Variants in DGKG observed in about 807,000 individuals in gnomAD.
The protein encoded by DGKG is diacylglycerol kinase gamma.
A neutral mutation model predicts 105.3 loss-of-function variants in DGKG; 78 were observed. The observed-to-expected ratio is 0.74, with a 90% CI of 0.62 to 0.89. The LOEUF is 0.89. DGKG is among the 40% of genes least tolerant of loss of function. The pLI is 0.00. For missense variants in DGKG, 958 were observed against 1,020.1 expected, an observed-to-expected ratio of 0.94 and a Z score of 0.83; for synonymous variants, 346 against 367.1, an observed-to-expected ratio of 0.94 and a Z score of 0.66.
intron 3 of DGKG, among the ~76,000 whole-genome samples, chr3:186,305,133 C>A (rs973438672): frequency 3.3e-5 from 5 of 152,108 alleles, no homozygotes; most frequent in Admixed American, 1.3e-4. Context: ...GTGGGAGAGA[C>A]AGACAATTAA....
intron 1 of DGKG, among the ~76,000 whole-genome samples, chr3:186,341,881 T>C (rs923056130): frequency 2.0e-5 from 3 of 151,984 alleles, no homozygotes; most frequent in Non-Finnish European, 4.4e-5. Context: ...ATGGATGAAA[T>C]TGGAAAACAT....
At chr3:186,201,718 A>G (rs1718475225) in intron 21 of DGKG, among the ~76,000 whole-genome samples, 2 of 152,236 alleles carry the variant, frequency 1.3e-5, no homozygotes, top group African/African-American at 4.8e-5. Context: ...AGGCTGGCCA[A>G]GTGATCATTG....
intron 21 of DGKG, among the ~76,000 whole-genome samples, chr3:186,191,620 C>T (rs566272629): frequency 5.9e-4 from 90 of 152,332 alleles, no homozygotes; most frequent in Admixed American, 1.2e-3. Context: ...GAAAACTCTT[C>T]CAGAATGGCA....
intron 14 of DGKG, among the ~76,000 whole-genome samples, chr3:186,262,187 G>A (rs544088235): frequency 5.9e-5 from 9 of 152,204 alleles, no homozygotes; most frequent in Admixed American, 1.3e-4. Context: ...CCACCCTGGC[G>A]CCTTCCAAAT....
chr3:186,306,664 A>T (rs1724253946), intron 3 of DGKG: 1 of 453,768 alleles, frequency 2.2e-6, no homozygotes, highest in Non-Finnish European at 3.9e-6. Flanking sequence ...TGAGGAGAGG[A>T]GGGGTGAGAG....
rs1200690142 is a variant in DGKG at position 186,188,201 on chromosome 3, C to T, written c.2095+1G>A. ...AACAATTATCCTCATTCCTGGCTTA[C>T]CTTGAACGCAGAATTTCAGTTCTTT... On this transcript the variant is annotated splice_donor_variant, in intron 22 of 24. Transcript: ENST00000265022. LOFTEE classifies it high-confidence loss of function. The T allele has an allele frequency of 6.2e-7, 1 of 1,614,138 alleles. No individual in the cohort carries two copies. Among genetic ancestry groups the T allele is most frequent in the Admixed American group, 1.7e-5 (1 of 60,008 alleles).
In DGKG at chr3:186,310,619, C is replaced by T. The variant is rs78798383; in HGVS notation, c.68-3642G>A. 3.0e-4 allele frequency among the ~76,000 whole-genome samples: 46 copies of T among 152,250 alleles called. 4 individuals are homozygous for T. In the East Asian group the frequency reaches 3.5e-3, roughly 11 times the overall value. The stretch of plus-strand genomic sequence containing the variant: ...TTCATCTTAAGACAGAAAAGAACAA[C>T]GAGGGAATAGCATCCCTTGGTCTTA... On this transcript the variant is annotated intron_variant, in intron 2 of 24. Transcript: ENST00000265022.
chr3:186,301,010 T>G (rs1723894353), intron 3 of DGKG, among the ~76,000 whole-genome samples: 1 of 152,240 alleles, frequency 6.6e-6, no homozygotes, highest in African/African-American at 2.4e-5. Flanking sequence ...TTAATGCCAA[T>G]GACACCATTA....
chr3:186,253,234 G>T (rs1382499415), intron 17 of DGKG, 52 bp from the exon 18 acceptor site: 4 of 1,447,964 alleles, frequency 2.8e-6, no homozygotes, highest in Non-Finnish European at 3.9e-6. Context: ...ACTGTAGAAT[G>T]TTTGAGTTGT....
chr3:186,153,830 C>T (rs1200741679), intron 24 of DGKG, among the ~76,000 whole-genome samples: 2 of 152,178 alleles, frequency 1.3e-5, no homozygotes, highest in Admixed American at 6.5e-5. Context: ...AGGGGCCAGG[C>T]GCGGTGGCTC....
intron 19 of DGKG, among the ~76,000 whole-genome samples, chr3:186,245,229 C>A (rs1720884355): frequency 6.6e-6 from 1 of 152,160 alleles, no homozygotes; most frequent in African/African-American, 2.4e-5. Flanking sequence ...AAAGACCAGC[C>A]TTTAAAACAT....
At chr3:186,336,327 T>C (rs971132404) in intron 1 of DGKG, among the ~76,000 whole-genome samples, 9 of 152,162 alleles carry the variant, frequency 5.9e-5, no homozygotes, top group Non-Finnish European at 8.8e-5. Context: ...GGAAATTTCA[T>C]TGGCAGCAAT....
chr3:186,208,763 CA>C (rs1718873897), intron 21 of DGKG, among the ~76,000 whole-genome samples: 1 of 152,236 alleles, frequency 6.6e-6, no homozygotes, highest in East Asian at 1.9e-4. Context: ...TGCCCAGCTG[CA>C]TGAGCTGAGA....
At chr3:186,263,601 G>GCAAA (rs1296613922) in intron 14 of DGKG, among the ~76,000 whole-genome samples, 1 of 141,936 alleles carries the variant, frequency 7.0e-6, no homozygotes, top group African/African-American at 2.5e-5. Flanking sequence ...AAGCAAGCAA[G>GCAAA]CAAACAAACG....
At chr3:186,302,486 A>ATATATATATATATATATATACATATGTG (rs1723986620) in intron 3 of DGKG, among the ~76,000 whole-genome samples, 1 of 10,258 alleles carries the variant, frequency 9.7e-5, no homozygotes, top group Non-Finnish European at 2.0e-4. Flanking sequence ...ATATATATAT[A>ATATATATATATATATATATACATATGTG]TATATATATA....
intron 1 of DGKG, among the ~76,000 whole-genome samples, chr3:186,340,191 T>C (rs1485719309): frequency 2.0e-5 from 3 of 152,206 alleles, no homozygotes; most frequent in African/African-American, 7.2e-5. Flanking sequence ...GGAAAGAAGA[T>C]GCTTTTCAGT....
chr3:186,168,638 G>A (rs1020682560), intron 22 of DGKG, among the ~76,000 whole-genome samples: 5 of 152,290 alleles, frequency 3.3e-5, no homozygotes, highest in African/African-American at 1.2e-4. Context: ...TCTGAGATCA[G>A]GAGTTCAAGA....
rs558050689 is a variant in DGKG, at chr3:186,325,231, G to A, written c.-248-4524C>T. Among the ~76,000 whole-genome samples, 3 of 152,122 alleles carry A rather than the reference G, an allele frequency of 2.0e-5. No homozygotes were observed. In the South Asian group the frequency reaches 6.2e-4, roughly 32 times the overall value. On this transcript the variant is annotated intron_variant, in intron 1 of 24. Transcript: ENST00000265022. ...AAATATGGAAGTAAAAGACACTGGG[G>A]ATTACTAGAGGGGGCAGGGGGAAGG...
chr3:186,200,820 T>A (rs1191759830), intron 21 of DGKG, among the ~76,000 whole-genome samples: 1 of 152,226 alleles, frequency 6.6e-6, no homozygotes, highest in Non-Finnish European at 1.5e-5. Context: ...ATTGAAGCCA[T>A]GTACACACAA....
Sources: allele counts gnomAD v4.1 joint callset (sites outside exome capture counted in the v4.1 genomes callset), GRCh38; gene constraint gnomAD v4.1.1; transcripts MANE v1.5; gene names NCBI Gene and HGNC (gene_info 2026-07-23, HGNC 2026-07-21).